The following PRKCH variants were observed in gnomAD, a reference collection of about 807,000 sequenced individuals.
PRKCH encodes the protein protein kinase C eta type.
A neutral mutation model predicts 82.5 loss-of-function variants in PRKCH; 28 were observed. The ratio of observed to expected loss-of-function variants is 0.34; its 90% CI spans 0.25 to 0.47. The LOEUF (loss-of-function observed/expected upper bound fraction) is 0.47, where lower values mean the gene tolerates loss of function less well. Ranked by LOEUF, PRKCH falls within the 20% of genes least tolerant of loss-of-function variation. The pLI is 1.00. For synonymous variants in PRKCH, 322 were observed against 327.4 expected, an observed-to-expected ratio of 0.98 and a Z score of 0.18; for missense variants, 705 against 881.8, an observed-to-expected ratio of 0.80 and a Z score of 2.54.
chr14:61,344,697 T>A (rs10431629), intron 1 of PRKCH, among the ~76,000 whole-genome samples: 86,910 of 151,710 alleles, frequency 0.57, 29,253 homozygotes, highest in Non-Finnish European at 0.75. Flanking sequence ...GGCAGAGTGG[T>A]CCCTTGCACT....
chr14:61,311,719 C>T (rs2045526058), intron 1 of PRKCH, among the ~76,000 whole-genome samples: 2 of 152,232 alleles, frequency 1.3e-5, no homozygotes, highest in African/African-American at 2.4e-5. Context: ...CACAATTCCA[C>T]ATGGCTGGGG....
At chr14:61,206,918 C>A (rs887597377) in intron 1 of PRKCH, among the ~76,000 whole-genome samples, 1 of 151,724 alleles carries the variant, frequency 6.6e-6, no homozygotes, top group Non-Finnish European at 1.5e-5. Context: ...ACTAGCCTGA[C>A]CAACATGAAG....
chr14:61,418,981 T>C (rs994521121), intron 2 of PRKCH, among the ~76,000 whole-genome samples: 2 of 152,346 alleles, frequency 1.3e-5, no homozygotes, highest in East Asian at 1.9e-4. Flanking sequence ...TGCCTCCATC[T>C]GATTTCCTTC....
At chr14:61,334,146 T>C (rs1594922241) in intron 1 of PRKCH, among the ~76,000 whole-genome samples, 1 of 152,080 alleles carries the variant, frequency 6.6e-6, no homozygotes, top group South Asian at 2.1e-4. Flanking sequence ...TCCACCTCAG[T>C]GTGTGGTGGA....
chr14:61,413,651 C>T (rs1882403025), intron 2 of PRKCH, among the ~76,000 whole-genome samples: 1 of 152,182 alleles, frequency 6.6e-6, no homozygotes, highest in Admixed American at 6.5e-5. Context: ...TTCCTTCTCT[C>T]ATTTTCTTTC....
chr14:61,480,031 C>T (rs745735317), intron 9 of PRKCH, among the ~76,000 whole-genome samples: 7 of 152,180 alleles, frequency 4.6e-5, no homozygotes, highest in South Asian at 2.1e-4. Flanking sequence ...GATGTTAAAC[C>T]GGTCTCCTGG....
At chr14:61,233,715 G>A (rs76637526) in intron 1 of PRKCH, among the ~76,000 whole-genome samples, 48 of 152,074 alleles carry the variant, frequency 3.2e-4, no homozygotes, top group African/African-American at 1.1e-3. Context: ...TTTTATAAGG[G>A]GCTTTTCCCC....
chr14:61,530,332 A>G, intron 11 of PRKCH, 75 bp from the exon 12 acceptor site: 1 of 1,380,960 alleles, frequency 7.2e-7, no homozygotes, highest in Non-Finnish European at 9.6e-7. Flanking sequence ...TAATGCATCA[A>G]TTTCCCTAGT....
At chr14:61,484,291 C>CTTTTTTTT (rs71449556) in intron 9 of PRKCH, among the ~76,000 whole-genome samples, 26 of 86,372 alleles carry the variant, frequency 3.0e-4, no homozygotes, top group African/African-American at 1.1e-3. Context: ...GCTTGTGTCA[C>CTTTTTTTT]TTTTTTTTTT....
chr14:61,463,655 A>T lies in PRKCH; in HGVS notation c.1278+5976A>T, dbSNP rs1174094202. Among the ~76,000 whole-genome samples, 3 of 152,226 alleles carry T rather than the reference A, an allele frequency of 2.0e-5. No homozygotes were observed. The South Asian group carries it at 6.2e-4, about 32-fold the overall frequency. On this transcript the variant is annotated intron_variant, in intron 9 of 13. Coordinates refer to ENST00000332981, the MANE Select transcript of PRKCH (RefSeq NM_006255.5). ...ATAATCTGGACTACAAAAATAATAT[A>T]AAGAATAAAATGTTATTCATAAAGA...
At chr14:61,464,772 TTATC>T (rs1885180434) in intron 9 of PRKCH, among the ~76,000 whole-genome samples, 1 of 152,244 alleles carries the variant, frequency 6.6e-6, no homozygotes, top group Non-Finnish European at 1.5e-5. Flanking sequence ...TACATTTTCT[TTATC>T]CAGTCTGTCA....
chr14:61,326,313 T>C (rs1431505559), intron 1 of PRKCH, among the ~76,000 whole-genome samples: 1 of 152,148 alleles, frequency 6.6e-6, no homozygotes, highest in East Asian at 1.9e-4. Context: ...TCAGAATAAT[T>C]ATGCTGAGTG....
chr14:61,274,114 G>A (rs905997094), intron 1 of PRKCH, among the ~76,000 whole-genome samples: 1 of 152,222 alleles, frequency 6.6e-6, no homozygotes, highest in Non-Finnish European at 1.5e-5. Context: ...GGGCATGGGA[G>A]AGGCAAAGAA....
chr14:61,241,035 T>C (rs1278292444), intron 1 of PRKCH, among the ~76,000 whole-genome samples: 1 of 152,220 alleles, frequency 6.6e-6, no homozygotes. Context: ...AAGACTGGCC[T>C]TCACTTCAGA....
At chr14:61,303,814 A>T in intron 1 of PRKCH, 1 of 141,996 alleles carries the variant, frequency 7.0e-6, no homozygotes, top group Admixed American at 7.4e-5. Context: ...ATTCTAATTC[A>T]TTTATTGATT....
intron 2 of PRKCH, among the ~76,000 whole-genome samples, chr14:61,441,023 T>A (rs557378316): frequency 1.3e-5 from 2 of 151,606 alleles, no homozygotes; most frequent in South Asian, 2.1e-4. Context: ...GCTCAAGTGA[T>A]CCTCCCTAGT....
At chr14:61,470,139 C>T (rs1885433195) in intron 9 of PRKCH, among the ~76,000 whole-genome samples, 1 of 151,426 alleles carries the variant, frequency 6.6e-6, no homozygotes, top group African/African-American at 2.4e-5. Context: ...ATATCAAGTG[C>T]TCCGTTATAT....
chr14:61,352,679 AGAAAG>A (rs1555378067), intron 1 of PRKCH, among the ~76,000 whole-genome samples: 8 of 120,930 alleles, frequency 6.6e-5, no homozygotes, highest in Admixed American at 3.5e-4. Context: ...AGAGAGAGAG[AGAAAG>A]GAAAGGAAAG....
At chr14:61,374,169 C>T (rs141327307) in intron 1 of PRKCH, among the ~76,000 whole-genome samples, 1 of 152,268 alleles carries the variant, frequency 6.6e-6, no homozygotes, top group East Asian at 1.9e-4. Flanking sequence ...AAGTAATCTC[C>T]TTTGACTCCA....
Sources: allele counts gnomAD v4.1 joint callset (sites outside exome capture counted in the v4.1 genomes callset), GRCh38; gene constraint gnomAD v4.1.1; transcripts MANE v1.5; gene names NCBI Gene and HGNC (gene_info 2026-07-23, HGNC 2026-07-21).